WNT9B: variants seen among roughly 807,000 people sequenced by gnomAD.
WNT9B encodes the protein protein Wnt-9b.
In WNT9B, 12 loss-of-function variants were observed where a neutral mutation model predicts 30.2. The observed-to-expected ratio is 0.40, with a 90% confidence interval of 0.26 to 0.64. WNT9B has a LOEUF of 0.64. Among genes scored for constraint, WNT9B ranks in the 30% least tolerant of loss-of-function variants. WNT9B has a pLI of 0.42. For missense variants in WNT9B, 442 were observed against 485.2 expected (o/e 0.91, Z 0.84); for synonymous variants, 218 against 216.9 (o/e 1.01, Z -0.05).
intron 1 of WNT9B, among the ~76,000 whole-genome samples, chr17:46,844,225 A>G (rs557321164): frequency 2.8e-4 from 43 of 151,666 alleles, no homozygotes; most frequent in African/African-American, 9.7e-4. Context: ...CCAGAATGCT[A>G]GGATTATAGG....
Position 46,875,127 on chromosome 17 carries a change from G to A in WNT9B, c.361G>A (p.Ala121Thr), listed in dbSNP as rs749969946. 7 of 1,613,846 alleles carry A rather than the reference G, an allele frequency of 4.3e-6. No homozygotes were observed. The South Asian group carries it at 4.4e-5, about 10-fold the overall frequency. ...CTTCAAAGAGACAGCTTTCCTGTAC[G>A]CGGTGTCCTCTGCCGCCCTCACCCA... ...RGFKETAFLY[A>T]VSSAALTHTL... The change falls in exon 3 of 4, where the codon GCG becomes ACG. Residue 121 changes from alanine (A) to threonine (T), a missense_variant. Ala to Thr is a moderately conservative substitution (Grantham distance 58, BLOSUM62 0). Coordinates refer to ENST00000290015, the MANE Select transcript of WNT9B (RefSeq NM_003396.3).
intron 1 of WNT9B, among the ~76,000 whole-genome samples, chr17:46,864,540 G>A (rs2085100163): frequency 6.6e-6 from 1 of 152,126 alleles, no homozygotes; most frequent in African/African-American, 2.4e-5. Context: ...TTTAAACAGA[G>A]GGTCTTTCTC....
At chr17:46,881,650 A>G (rs2146622994), downstream of WNT9B, among the ~76,000 whole-genome samples, 1 of 152,058 alleles carries the variant, frequency 6.6e-6, no homozygotes, top group South Asian at 2.1e-4. Context: ...AGGCCCGCAG[A>G]CCCCTCCACC....
downstream of WNT9B, among the ~76,000 whole-genome samples, chr17:46,881,351 A>G (rs1003784200): frequency 6.6e-6 from 1 of 152,252 alleles, no homozygotes; most frequent in Non-Finnish European, 1.5e-5. Flanking sequence ...GCTGGCTCTG[A>G]GTAATGACAG....
chr17:46,883,854 C>T (rs1246355083), downstream of WNT9B, among the ~76,000 whole-genome samples: 1 of 152,188 alleles, frequency 6.6e-6, no homozygotes, highest in Non-Finnish European at 1.5e-5. Context: ...GAGGTTAATG[C>T]CTCTCACGCG....
chr17:46,863,200 G>A lies in WNT9B; in HGVS notation c.78-9317G>A, dbSNP rs182112831. The stretch of plus-strand genomic sequence containing the variant: ...GCTTGGGAAGGTTTGGCGGTGGGGC[G>A]TTAGGTGGTAGCCTCTGCAGCCAGA... On this transcript the variant is annotated intron_variant, in intron 1 of 3. Transcript: ENST00000290015. Among the ~76,000 whole-genome samples, 1,378 of 152,344 alleles carry A rather than the reference G, an allele frequency of 9.0e-3. 18 individuals are homozygous for A. The highest frequency in any genetic ancestry group is 0.029 in the African/African-American group (1,217 of 41,592).
chr17:46,864,854 C>T (rs1182703418), intron 1 of WNT9B, among the ~76,000 whole-genome samples: 4 of 152,176 alleles, frequency 2.6e-5, no homozygotes, highest in South Asian at 4.2e-4. Flanking sequence ...TGCCCTTGCC[C>T]TCCTGCTTCC....
At chr17:46,867,283 C>T (rs2085155020) in intron 1 of WNT9B, among the ~76,000 whole-genome samples, 1 of 152,238 alleles carries the variant, frequency 6.6e-6, no homozygotes, top group Non-Finnish European at 1.5e-5. Context: ...ACTGTGTGCT[C>T]ACTGCTCTCA....
At position 46,876,703 on chromosome 17, in the gene WNT9B, C is replaced by T. The variant is rs537242221; in HGVS notation, c.1059C>T (p.Tyr353=). 8.4e-6 allele frequency: 13 copies of T among 1,552,792 alleles called. No individual in the cohort carries two copies. In the East Asian group the frequency reaches 2.3e-4, roughly 27 times the overall value. Residue 353 remains tyrosine, a synonymous_variant, in exon 4 of 4, where the codon TAC becomes TAT. Transcript: ENST00000290015. The stretch of plus-strand genomic sequence containing the variant: ...AATGTGTGCAGGAGGAGCTTGTGTA[C>T]ACCTGCAAGCACTAGGCCTACTGCC... ...CQQCVQEELV[Y]TCKH
chr17:46,866,272 A>T (rs2085134018), intron 1 of WNT9B, among the ~76,000 whole-genome samples: 2 of 152,186 alleles, frequency 1.3e-5, no homozygotes, highest in Non-Finnish European at 2.9e-5. Context: ...TTACTGGGCC[A>T]GGCACTGCCC....
chr17:46,855,719 G>T (rs2084927015), intron 1 of WNT9B, among the ~76,000 whole-genome samples: 1 of 152,228 alleles, frequency 6.6e-6, no homozygotes, highest in Non-Finnish European at 1.5e-5. Flanking sequence ...TTTATTTAGA[G>T]ACGGAGTCTC....
chr17:46,865,228 T>C (rs2085112168), intron 1 of WNT9B, among the ~76,000 whole-genome samples: 1 of 152,110 alleles, frequency 6.6e-6, no homozygotes, highest in Non-Finnish European at 1.5e-5. Context: ...ATGCCGGGGA[T>C]TGTTGAGATG....
downstream of WNT9B, among the ~76,000 whole-genome samples, chr17:46,883,312 C>T (rs544555941): frequency 8.9e-5 from 12 of 134,722 alleles, no homozygotes; most frequent in Admixed American, 7.0e-4. Context: ...GAGATGGAGT[C>T]TCGCTTTTGT....
intron 2 of WNT9B, among the ~76,000 whole-genome samples, chr17:46,873,131 C>T (rs1397217185): frequency 7.0e-6 from 1 of 142,548 alleles, no homozygotes. Flanking sequence ...CACACACACA[C>T]ACGAAACAAG....
At chr17:46,873,086 T>TCACACACACACA (rs61118325) in intron 2 of WNT9B, among the ~76,000 whole-genome samples, 45 of 139,914 alleles carry the variant, frequency 3.2e-4, no homozygotes, top group African/African-American at 1.1e-3. Context: ...CTCTGCCTCT[T>TCACACACACACA]CACACACACA....
chr17:46,885,037 G>A (rs962642181), downstream of WNT9B: 3 of 439,076 alleles, frequency 6.8e-6, no homozygotes, highest in Non-Finnish European at 1.4e-5. Flanking sequence ...TGCGCAGGTT[G>A]GAGTGCAGTG....
chr17:46,835,810 C>T (rs887730607), intron 1 of WNT9B, among the ~76,000 whole-genome samples: 1 of 152,202 alleles, frequency 6.6e-6, no homozygotes, highest in Non-Finnish European at 1.5e-5. Flanking sequence ...TGCGCCCCCT[C>T]AGCCCCCTTC....
downstream of WNT9B, among the ~76,000 whole-genome samples, chr17:46,884,384 G>GC (rs1368051218): frequency 6.6e-6 from 1 of 152,184 alleles, no homozygotes; most frequent in Non-Finnish European, 1.5e-5. Context: ...CCCACACCCA[G>GC]CCCCCTCTCC....
At chr17:46,881,615 C>T (rs930297569), downstream of WNT9B, among the ~76,000 whole-genome samples, 1 of 152,194 alleles carries the variant, frequency 6.6e-6, no homozygotes, top group Non-Finnish European at 1.5e-5. Context: ...TTACTTTGTT[C>T]CTGCTCATAA....
Sources: gnomAD v4.1 joint callset for allele counts (sites outside exome capture counted in the v4.1 genomes callset) on GRCh38, gnomAD v4.1.1 for gene constraint, MANE v1.5 for transcripts, NCBI Gene and HGNC (gene_info 2026-07-23, HGNC 2026-07-21) for gene names.